CSMD2: variants seen among roughly 807,000 people sequenced by gnomAD.
CSMD2 encodes the protein CUB and Sushi multiple domains 2.
A neutral mutation model predicts 398.5 loss-of-function variants in CSMD2; 130 were observed. The ratio of observed to expected loss-of-function variants is 0.33; its 90% confidence interval spans 0.28 to 0.38. CSMD2 has a LOEUF of 0.38. CSMD2 is among the 10% of genes least tolerant of loss of function. CSMD2 has a pLI of 1.00. For missense variants in CSMD2, 3,829 were observed against 4,764.9 expected, an observed-to-expected ratio of 0.80 and a Z score of 5.78; for synonymous variants, 1,828 against 1,908.5, an observed-to-expected ratio of 0.96 and a Z score of 1.10.
chr1:33,606,592 C>A (rs372787773), intron 41 of CSMD2, among the ~76,000 whole-genome samples: 1 of 152,272 alleles, frequency 6.6e-6, no homozygotes, highest in Non-Finnish European at 1.5e-5. Context: ...GGGTTTGGGC[C>A]GTTTGGCAAC....
intron 3 of CSMD2, among the ~76,000 whole-genome samples, chr1:34,030,307 A>T (rs1026874002): frequency 7.9e-5 from 12 of 152,250 alleles, no homozygotes; most frequent in African/African-American, 2.7e-4. Context: ...GTAAAGGGTC[A>T]AAAAGTAAGT....
At chr1:33,971,102 G>A (rs1464725816) in intron 3 of CSMD2, among the ~76,000 whole-genome samples, 2 of 152,160 alleles carry the variant, frequency 1.3e-5, no homozygotes, top group Non-Finnish European at 2.9e-5. Flanking sequence ...CAGCCCTTGC[G>A]GTGTCTGCCG....
At chr1:33,613,936 A>AAAAAC (rs756275004) in intron 40 of CSMD2, among the ~76,000 whole-genome samples, 3 of 152,182 alleles carry the variant, frequency 2.0e-5, no homozygotes, top group Non-Finnish European at 2.9e-5. Flanking sequence ...CTCCAGCTCC[A>AAAAAC]AAAACAAAAC....
intron 1 of CSMD2, among the ~76,000 whole-genome samples, chr1:34,103,504 T>G (rs1434110919): frequency 6.6e-6 from 1 of 152,032 alleles, no homozygotes; most frequent in Admixed American, 6.6e-5. Flanking sequence ...TTCACCGTGT[T>G]AGCCAGGATG....
intron 10 of CSMD2, among the ~76,000 whole-genome samples, chr1:33,805,558 A>C (rs1208351347): frequency 6.6e-6 from 1 of 152,190 alleles, no homozygotes; most frequent in Non-Finnish European, 1.5e-5. Flanking sequence ...ATTGAATTAT[A>C]ATATGTCCCC....
rs1553146953 is a variant in CSMD2 at position 33,581,354 on chromosome 1, T to TTAAAAAAAA, written c.7241-456_7241-455insTTTTTTTTA. On this transcript the variant is annotated intron_variant, in intron 47 of 70. Transcript: ENST00000373381. Reference sequence around the variant, plus strand: ...TTGGCAAGCAAGACCCCATCTTTACTAAAAAAAAAAAAAAAAAAAAAAAAA... The same window carrying TTAAAAAAAA: ...TTGGCAAGCAAGACCCCATCTTTACTTAAAAAAAAAAAAAAAAAAAAAAAAAAAAAAAAA... Among the ~76,000 whole-genome samples, 3 of 84,218 alleles carry TTAAAAAAAA rather than the reference T, an allele frequency of 3.6e-5. 1 individual carries two copies. The highest frequency in any genetic ancestry group is 4.5e-5 in the African/African-American group (1 of 22,214). 55.3% of individuals were successfully genotyped at this position (84,218 alleles called of 152,430 possible). A position where few individuals can be genotyped will look rare whatever the true frequency, so the allele number is the denominator to read the frequency against.
At position 33,633,917 on chromosome 1, in the gene CSMD2, C is replaced by CGTGG. The variant is rs1414761320; in HGVS notation, c.5087-383_5087-382insCCAC. The stretch of plus-strand genomic sequence containing the variant: ...CTCATTCTCCATGCGATGTCAGGAC[C>CGTGG]CCACATTCATGCGTCCCAACGTCAG... On this transcript the variant is annotated intron_variant, in intron 31 of 70. Coordinates refer to ENST00000373381, the MANE Select transcript of CSMD2 (RefSeq NM_001281956.2). This position sits in a 1 kb window ranked among gnomAD's most constrained non-coding sequence, Gnocchi z 5.0. Among the ~76,000 whole-genome samples the CGTGG allele has an allele frequency of 6.6e-6, 1 of 152,160 alleles. No individual in the cohort carries two copies. Among genetic ancestry groups the CGTGG allele is most frequent in the Non-Finnish European group, 1.5e-5 (1 of 68,026 alleles).
At chr1:33,609,892 T>A (rs756488521) in intron 41 of CSMD2, among the ~76,000 whole-genome samples, 1 of 152,222 alleles carries the variant, frequency 6.6e-6, no homozygotes. Flanking sequence ...CAAATCCCTA[T>A]GTTGAAACCT....
chr1:34,006,934 G>C (rs977801537), intron 3 of CSMD2, among the ~76,000 whole-genome samples: 1 of 152,032 alleles, frequency 6.6e-6, no homozygotes, highest in Non-Finnish European at 1.5e-5. Flanking sequence ...CATGGAAACT[G>C]TGACACGCTC....
intron 21 of CSMD2, 193 bp from the exon 22 acceptor site, chr1:33,709,451 A>C: frequency 5.3e-6 from 3 of 563,584 alleles, no homozygotes; most frequent in Non-Finnish European, 9.3e-6. Flanking sequence ...ATACTTCCCT[A>C]CCTATGGTGC....
At chr1:34,111,127 C>A (rs772891710) in intron 1 of CSMD2, among the ~76,000 whole-genome samples, 1 of 152,160 alleles carries the variant, frequency 6.6e-6, no homozygotes, top group African/African-American at 2.4e-5. Context: ...CTCACTGATG[C>A]GTCCCAAGTG....
intron 26 of CSMD2, among the ~76,000 whole-genome samples, chr1:33,660,616 C>T (rs559210941): frequency 6.6e-6 from 1 of 152,306 alleles, no homozygotes; most frequent in South Asian, 2.1e-4. Context: ...CTTTCCCAAA[C>T]CTTGGTTATG....
chr1:33,820,565 C>T lies in CSMD2; in HGVS notation c.1112-9G>A. 1 of 442,170 alleles carries T rather than the reference C, an allele frequency of 2.3e-6. No individual in the cohort carries two copies. Among genetic ancestry groups the T allele is most frequent in the Non-Finnish European group, 3.7e-6 (1 of 269,016 alleles). The allele number at this position is 442,170 out of a possible 1,614,324, so 27.4% of individuals were successfully genotyped here. The stretch of plus-strand genomic sequence containing the variant: ...CACACCAACCTGAGTTACTACAAGG[C>T]AAAAAAAAAAAAAAAAAAAAAAACA... On this transcript the variant is annotated splice_polypyrimidine_tract_variant and intron_variant, in intron 7 of 70. Coordinates refer to ENST00000373381, the MANE Select transcript of CSMD2 (RefSeq NM_001281956.2).
chr1:33,741,243 G>C (rs1349816987), intron 14 of CSMD2, among the ~76,000 whole-genome samples: 1 of 152,078 alleles, frequency 6.6e-6, no homozygotes, highest in Non-Finnish European at 1.5e-5. Context: ...GCTATGGAGA[G>C]AGCTGTCTGG....
At chr1:33,616,755 T>A (rs1417324960) in intron 39 of CSMD2, 151 bp downstream of exon 39, 1 of 589,666 alleles carries the variant, frequency 1.7e-6, no homozygotes, top group East Asian at 2.8e-5. Context: ...TTAGAGATTA[T>A]AAAAACATCA....
At chr1:33,683,579 C>A (rs181556570) in intron 25 of CSMD2, among the ~76,000 whole-genome samples, 47 of 152,286 alleles carry the variant, frequency 3.1e-4, no homozygotes, top group Admixed American at 2.7e-3. Context: ...AACTGGCAGT[C>A]AAGTTGATGC....
chr1:34,124,201 C>T (rs1662506709), intron 1 of CSMD2, among the ~76,000 whole-genome samples: 1 of 152,234 alleles, frequency 6.6e-6, no homozygotes, highest in Admixed American at 6.5e-5. Flanking sequence ...TTCATTCATC[C>T]ATCCATCATG....
At chr1:34,150,722 G>A (rs936357918) in intron 1 of CSMD2, among the ~76,000 whole-genome samples, 15 of 151,992 alleles carry the variant, frequency 9.9e-5, no homozygotes, top group African/African-American at 3.4e-4. Context: ...AGACTAGCCC[G>A]GGCAACATAG....
chr1:33,633,380 C>T lies in CSMD2; in HGVS notation c.5200+42G>A. 6.9e-7 allele frequency: 1 copy of T among 1,442,434 alleles called. No homozygotes were observed. Among genetic ancestry groups the T allele is most frequent in the South Asian group, 1.2e-5 (1 of 81,850 alleles). The allele number at this position is 1,442,434 out of a possible 1,614,324, so 89.4% of individuals were successfully genotyped here. The stretch of plus-strand genomic sequence containing the variant: ...CCTTCCTTTAGCCGGACGTGATGCC[C>T]CCGGCCCACAACCATCCCCACACTG... On this transcript the variant is annotated intron_variant, in intron 32 of 70. Coordinates refer to ENST00000373381, the MANE Select transcript of CSMD2 (RefSeq NM_001281956.2). The surrounding 1 kb of genome is among the most constrained non-coding windows in gnomAD (Gnocchi z 5.0).
Sources: gnomAD v4.1 joint callset for allele counts (sites outside exome capture counted in the v4.1 genomes callset) on GRCh38, gnomAD v4.1.1 for gene constraint, Gnocchi (gnomAD v3.1) non-coding constraint, MANE v1.5 for transcripts, NCBI Gene and HGNC (gene_info 2026-07-23, HGNC 2026-07-21) for gene names.